The following PLCB4 variants were observed in gnomAD, a reference collection of about 807,000 sequenced individuals.
The protein encoded by PLCB4 is phospholipase C beta 4.
Under a neutral mutation model 178.8 loss-of-function variants are expected in PLCB4, and 77 were observed. That is an observed-to-expected ratio of 0.43 (90% confidence interval 0.36 to 0.52). PLCB4 has a LOEUF of 0.52. Among genes scored for constraint, PLCB4 ranks in the 20% least tolerant of loss-of-function variants. The pLI, the probability that PLCB4 is intolerant of heterozygous loss-of-function variation, is 0.00. For synonymous variants in PLCB4, 496 were observed against 490.8 expected (o/e 1.01, Z -0.14); for missense variants, 1,024 against 1,453.4 (o/e 0.70, Z 4.80).
At chr20:9,275,185 A>G (rs552105017) in intron 3 of PLCB4, among the ~76,000 whole-genome samples, 1 of 152,196 alleles carries the variant, frequency 6.6e-6, no homozygotes, top group East Asian at 1.9e-4. Context: ...TCTCACAATC[A>G]TGGCGGAGGG....
rs908216708 is a variant in PLCB4, at chr20:9,107,239, C to T, written c.-79+10897C>T. On this transcript the variant is annotated intron_variant, in intron 2 of 39. Coordinates refer to ENST00000378473, the MANE Select transcript of PLCB4 (RefSeq NM_001377142.1). The stretch of plus-strand genomic sequence containing the variant: ...TTATACTCTTATGTCTGTTGTGGTA[C>T]TATTCTAGGAGCTGGGGCTTCAGAA... Among the ~76,000 whole-genome samples the T allele has an allele frequency of 2.5e-4, 38 of 152,122 alleles. 1 individual carries two copies. Among genetic ancestry groups the T allele is most frequent in the Non-Finnish European group, 4.4e-5 (3 of 68,006 alleles).
chr20:9,206,061 T>A (rs2093610067), intron 2 of PLCB4, among the ~76,000 whole-genome samples: 1 of 152,200 alleles, frequency 6.6e-6, no homozygotes, highest in Non-Finnish European at 1.5e-5. Flanking sequence ...TGTGTTTCTA[T>A]TGGACAGCAT....
At chr20:9,081,297 T>G (rs2090137069) in intron 1 of PLCB4, among the ~76,000 whole-genome samples, 1 of 152,240 alleles carries the variant, frequency 6.6e-6, no homozygotes, top group African/African-American at 2.4e-5. Flanking sequence ...AGCTCCCTGT[T>G]GCTATCAGGA....
At chr20:9,387,809 CT>C (rs2037802300) in intron 15 of PLCB4, among the ~76,000 whole-genome samples, 1 of 152,206 alleles carries the variant, frequency 6.6e-6, no homozygotes, top group Admixed American at 6.5e-5. Flanking sequence ...CCTAGTTTTA[CT>C]TACCTTAGAA....
intron 3 of PLCB4, among the ~76,000 whole-genome samples, chr20:9,267,407 A>G (rs181359983): frequency 4.6e-5 from 7 of 152,268 alleles, no homozygotes; most frequent in Admixed American, 4.6e-4. Context: ...CTGGCCTTAC[A>G]TGGTTAATTA....
intron 17 of PLCB4, among the ~76,000 whole-genome samples, chr20:9,391,405 A>G (rs2038130899): frequency 2.0e-5 from 3 of 152,182 alleles, no homozygotes; most frequent in Admixed American, 1.3e-4. Flanking sequence ...AAGTGGAAAG[A>G]CCTGCTATTG....
At chr20:9,133,904 C>A (rs2092329761) in intron 2 of PLCB4, among the ~76,000 whole-genome samples, 1 of 152,148 alleles carries the variant, frequency 6.6e-6, no homozygotes, top group South Asian at 2.1e-4. Context: ...TCACAATACT[C>A]CAGGTAGCTT....
At position 9,185,387 on chromosome 20, in the gene PLCB4, T is replaced by TCTCTCA. The variant is rs1304967582; in HGVS notation, c.-78-32001_-78-31996dup. Among the ~76,000 whole-genome samples, 7 of 152,234 alleles carry TCTCTCA rather than the reference T, an allele frequency of 4.6e-5. No homozygotes were observed. The East Asian group carries it at 9.7e-4, about 21-fold the overall frequency. On this transcript the variant is annotated intron_variant, in intron 2 of 39. Transcript: ENST00000378473. Reference sequence around the variant, plus strand: ...TTCTTCAAATCATCCTTGACTCCTCTCTCTCACACTCACACGTGGTATGGT... The same window carrying TCTCTCA: ...TTCTTCAAATCATCCTTGACTCCTCTCTCTCACTCTCACACTCACACGTGGTATGGT...
intron 35 of PLCB4, among the ~76,000 whole-genome samples, chr20:9,466,350 A>G (rs1322347876): frequency 2.0e-5 from 3 of 152,236 alleles, no homozygotes; most frequent in Non-Finnish European, 4.4e-5. Context: ...AAACCTAGGC[A>G]ATACCATTCA....
intron 4 of PLCB4, among the ~76,000 whole-genome samples, chr20:9,336,562 G>A (rs1362131095): frequency 5.9e-5 from 9 of 152,088 alleles, no homozygotes. Flanking sequence ...CTGGACTGGG[G>A]CCTCATATTC....
At chr20:9,075,447 G>A (rs529970448) in intron 1 of PLCB4, among the ~76,000 whole-genome samples, 4 of 152,220 alleles carry the variant, frequency 2.6e-5, no homozygotes, top group South Asian at 2.1e-4. Context: ...CCAGAAATCC[G>A]AGATAGGGAG....
intron 1 of PLCB4, among the ~76,000 whole-genome samples, chr20:9,083,733 T>C (rs2090273321): frequency 6.6e-6 from 1 of 152,152 alleles, no homozygotes; most frequent in South Asian, 2.1e-4. Flanking sequence ...TGACCTGACC[T>C]GAATCTGAAT....
At chr20:9,264,785 T>A (rs938720452) in intron 3 of PLCB4, among the ~76,000 whole-genome samples, 2 of 152,162 alleles carry the variant, frequency 1.3e-5, no homozygotes, top group Admixed American at 1.3e-4. Flanking sequence ...CTAGGACCCA[T>A]CTCCAGAGAG....
At chr20:9,089,477 C>T (rs2146560446) in intron 1 of PLCB4, among the ~76,000 whole-genome samples, 1 of 152,080 alleles carries the variant, frequency 6.6e-6, no homozygotes, top group South Asian at 2.1e-4. Flanking sequence ...ATGAGAAACA[C>T]CAGATTGCTT....
chr20:9,350,767 C>G (rs1336034152), intron 7 of PLCB4, among the ~76,000 whole-genome samples: 3 of 152,120 alleles, frequency 2.0e-5, no homozygotes, highest in African/African-American at 4.8e-5. Flanking sequence ...CCATGTTGAC[C>G]AGGCTGGTCT....
intron 3 of PLCB4, among the ~76,000 whole-genome samples, chr20:9,221,081 A>G (rs974872988): frequency 3.3e-5 from 5 of 151,684 alleles, no homozygotes; most frequent in African/African-American, 1.2e-4. Context: ...TTATCAAGGC[A>G]GGGCTCCCAG....
chr20:9,448,543 A>G (rs113856170), intron 32 of PLCB4, among the ~76,000 whole-genome samples: 2 of 152,218 alleles, frequency 1.3e-5, no homozygotes, highest in African/African-American at 4.8e-5. Flanking sequence ...CCCAGGCCAC[A>G]TGCAGCTTAG....
At chr20:9,210,825 G>T (rs548714756) in intron 2 of PLCB4, among the ~76,000 whole-genome samples, 10 of 152,134 alleles carry the variant, frequency 6.6e-5, no homozygotes, top group Admixed American at 6.5e-4. Flanking sequence ...ATTGGAGGGG[G>T]TGAGTGCCAT....
chr20:9,172,757 C>T, intron 2 of PLCB4, among the ~76,000 whole-genome samples: 1 of 152,226 alleles, frequency 6.6e-6, no homozygotes, highest in Admixed American at 6.5e-5. Flanking sequence ...GTCAACTCGC[C>T]CTAAGAACAG....
Sources: gnomAD v4.1 joint callset for allele counts (sites outside exome capture counted in the v4.1 genomes callset) on GRCh38, gnomAD v4.1.1 for gene constraint, MANE v1.5 for transcripts, NCBI Gene and HGNC (gene_info 2026-07-23, HGNC 2026-07-21) for gene names.